Variants in QTMAN observed in about 807,000 individuals in gnomAD.
QTMAN encodes queuosine-tRNA mannosyltransferase, also known as tRNA-queuosine alpha-mannosyltransferase.
At chr2:144,133,862 T>C in the QTMAN span, among the ~76,000 whole-genome samples, 1 of 152,050 alleles carries the variant, frequency 6.6e-6, no homozygotes, top group South Asian at 2.1e-4. Context: ...TTTAAATTTG[T>C]AAAGTTAAAG....
the QTMAN span, among the ~76,000 whole-genome samples, chr2:144,194,024 A>C: frequency 6.6e-6 from 1 of 152,200 alleles, no homozygotes; most frequent in Non-Finnish European, 1.5e-5. Flanking sequence ...ACACTCTTTA[A>C]GCACTACGTT....
chr2:144,008,892 T>A, the QTMAN span, among the ~76,000 whole-genome samples: 11 of 151,700 alleles, frequency 7.3e-5, no homozygotes, highest in African/African-American at 2.4e-4. Flanking sequence ...GAAAGAGTGG[T>A]GTGGGCAGAA....
chr2:144,098,650 C>T, the QTMAN span, among the ~76,000 whole-genome samples: 14 of 150,362 alleles, frequency 9.3e-5, no homozygotes, highest in Non-Finnish European at 1.3e-4. Context: ...GGGAGGCGGA[C>T]GTTGCAGTGA....
At chr2:144,197,455 A>C in the QTMAN span, among the ~76,000 whole-genome samples, 17 of 152,238 alleles carry the variant, frequency 1.1e-4, no homozygotes, top group Non-Finnish European at 1.9e-4. Flanking sequence ...GTAACTTAAA[A>C]TGCTGCCAAA....
the QTMAN span, among the ~76,000 whole-genome samples, chr2:144,183,177 G>A: frequency 6.6e-6 from 1 of 151,368 alleles, no homozygotes; most frequent in African/African-American, 2.4e-5. Context: ...TAACAATTTA[G>A]AGGTTGGGTT....
the QTMAN span, among the ~76,000 whole-genome samples, chr2:144,204,535 A>T: frequency 2.0e-5 from 3 of 152,180 alleles, no homozygotes; most frequent in Non-Finnish European, 4.4e-5. Context: ...ACACTTTTAC[A>T]CTGTTGTTGG....
chr2:144,074,887 ACT>A, the QTMAN span, among the ~76,000 whole-genome samples: 1 of 152,068 alleles, frequency 6.6e-6, no homozygotes, highest in Admixed American at 6.6e-5. Flanking sequence ...AAGACGTTTA[ACT>A]CTCTGTGACA....
the QTMAN span, among the ~76,000 whole-genome samples, chr2:144,012,569 C>G: frequency 6.6e-6 from 1 of 152,046 alleles, no homozygotes; most frequent in African/African-American, 2.4e-5. Context: ...ATTCATGTGC[C>G]GTTGAATAGA....
chr2:144,006,951 T>C, the QTMAN span: 1 of 410,104 alleles, frequency 2.4e-6, no homozygotes, highest in Non-Finnish European at 4.3e-6. Flanking sequence ...CTACTGTTAG[T>C]TGAGCAAATT....
chr2:144,030,844 A>G, the QTMAN span, among the ~76,000 whole-genome samples: 1 of 152,226 alleles, frequency 6.6e-6, no homozygotes, highest in East Asian at 1.9e-4. Context: ...AGACCTGCGG[A>G]GGGAGGCACA....
the QTMAN span, among the ~76,000 whole-genome samples, chr2:144,104,564 G>A: frequency 6.6e-5 from 10 of 152,176 alleles, no homozygotes; most frequent in African/African-American, 1.9e-4. Flanking sequence ...TGGGGGAGGG[G>A]CGCCCACAAT....
At chr2:144,109,271 C>T in the QTMAN span, among the ~76,000 whole-genome samples, 2 of 152,054 alleles carry the variant, frequency 1.3e-5, no homozygotes, top group African/African-American at 4.8e-5. Context: ...CTTTGACAAA[C>T]CTGACAAAAA....
At chr2:144,104,384 C>A in the QTMAN span, among the ~76,000 whole-genome samples, 1 of 152,148 alleles carries the variant, frequency 6.6e-6, no homozygotes, top group African/African-American at 2.4e-5. Flanking sequence ...TGGATGGCAC[C>A]TGGAAAATCG....
At chr2:144,100,859 CTTTTTTTTTTTT>C in the QTMAN span, among the ~76,000 whole-genome samples, 14 of 77,912 alleles carry the variant, frequency 1.8e-4, 1 homozygote, top group East Asian at 4.3e-3. Context: ...GTCTTTCTTT[CTTTTTTTTTTTT>C]TTTTTTTTTT....
At chr2:144,030,038 T>C in the QTMAN span, among the ~76,000 whole-genome samples, 2 of 152,176 alleles carry the variant, frequency 1.3e-5, no homozygotes, top group African/African-American at 2.4e-5. Context: ...ATTCATTCCA[T>C]GAATATATTT....
the QTMAN span, among the ~76,000 whole-genome samples, chr2:143,996,918 A>G: frequency 6.6e-6 from 1 of 152,098 alleles, no homozygotes; most frequent in South Asian, 2.1e-4. Flanking sequence ...ATGATTAGGA[A>G]TAGTTTATAT....
chr2:144,121,923 C>T, the QTMAN span, among the ~76,000 whole-genome samples: 1 of 151,922 alleles, frequency 6.6e-6, no homozygotes, highest in Non-Finnish European at 1.5e-5. Flanking sequence ...TTTGGTATTC[C>T]TAATTCAATT....
chr2:143,985,850 T>C, the QTMAN span, among the ~76,000 whole-genome samples: 1 of 152,230 alleles, frequency 6.6e-6, no homozygotes, highest in Non-Finnish European at 1.5e-5. Context: ...TTCATAGTTT[T>C]AATATTTTTA....
chr2:144,166,624 A>G, the QTMAN span, among the ~76,000 whole-genome samples: 1 of 152,200 alleles, frequency 6.6e-6, no homozygotes, highest in Non-Finnish European at 1.5e-5. Flanking sequence ...CAAAATAAAA[A>G]TGAATATAAA....
Sources: allele counts gnomAD v4.1 joint callset (sites outside exome capture counted in the v4.1 genomes callset), GRCh38; gene constraint gnomAD v4.1.1; transcripts MANE v1.5; gene names NCBI Gene and HGNC (gene_info 2026-07-23, HGNC 2026-07-21).